The following SYT1 variants were observed in gnomAD, a reference collection of about 807,000 sequenced individuals.
SYT1 encodes the protein synaptotagmin 1.
A neutral mutation model predicts 44.8 loss-of-function variants in SYT1; 8 were observed. The ratio of observed to expected loss-of-function variants is 0.18; its 90% CI spans 0.10 to 0.32. The LOEUF (loss-of-function observed/expected upper bound fraction) is 0.32, where lower values mean the gene tolerates loss of function less well. Ranked by LOEUF, SYT1 falls within the 10% of genes least tolerant of loss-of-function variation. SYT1 has a pLI of 1.00. For missense variants in SYT1, 286 were observed against 509.3 expected, an observed-to-expected ratio of 0.56 and a Z score of 4.22; for synonymous variants, 154 against 188.8, an observed-to-expected ratio of 0.82 and a Z score of 1.51.
chr12:79,040,126 G>A (rs2137718429), intron 2 of SYT1, among the ~76,000 whole-genome samples: 1 of 152,140 alleles, frequency 6.6e-6, no homozygotes, highest in East Asian at 1.9e-4. Context: ...ATAGTCCTTT[G>A]GGTATATACC....
intron 4 of SYT1, among the ~76,000 whole-genome samples, chr12:79,224,390 A>G (rs1875361290): frequency 6.6e-6 from 1 of 152,192 alleles, no homozygotes; most frequent in South Asian, 2.1e-4. Context: ...GTAATAGGGA[A>G]GGGGAAAAGC....
chr12:78,932,114 T>C (rs1877791979), intron 1 of SYT1, among the ~76,000 whole-genome samples: 1 of 152,216 alleles, frequency 6.6e-6, no homozygotes, highest in South Asian at 2.1e-4. Flanking sequence ...AGTCTTCCCT[T>C]ATTGATGCAA....
At chr12:79,276,949 G>A (rs2138793681) in intron 4 of SYT1, among the ~76,000 whole-genome samples, 1 of 148,390 alleles carries the variant, frequency 6.7e-6, no homozygotes, top group Non-Finnish European at 1.5e-5. Flanking sequence ...GAAGAAGAAG[G>A]AAGAAGGAGG....
At chr12:79,005,657 C>T (rs150586230) in intron 2 of SYT1, among the ~76,000 whole-genome samples, 224 of 152,124 alleles carry the variant, frequency 1.5e-3, no homozygotes, top group African/African-American at 4.3e-3. Context: ...TAAATAGACA[C>T]GGCCCCTACA....
intron 9 of SYT1, among the ~76,000 whole-genome samples, chr12:79,434,925 A>AC (rs1870001044): frequency 6.6e-6 from 1 of 151,832 alleles, no homozygotes; most frequent in African/African-American, 2.4e-5. Context: ...AATTGAGCTT[A>AC]CCCCCAATTC....
At chr12:79,251,686 T>C (rs915219576) in intron 4 of SYT1, among the ~76,000 whole-genome samples, 12 of 152,192 alleles carry the variant, frequency 7.9e-5, no homozygotes, top group African/African-American at 2.4e-4. Context: ...CTTCCTTCCA[T>C]GGACAGTAAA....
At chr12:79,269,369 C>G (rs886894258) in intron 4 of SYT1, among the ~76,000 whole-genome samples, 1 of 152,046 alleles carries the variant, frequency 6.6e-6, no homozygotes, top group African/African-American at 2.4e-5. Flanking sequence ...TGCCTCCTAT[C>G]TCTAGTTTTA....
chr12:79,383,821 T>C (rs1169223111), intron 9 of SYT1, among the ~76,000 whole-genome samples: 2 of 152,204 alleles, frequency 1.3e-5, no homozygotes, highest in Non-Finnish European at 2.9e-5. Flanking sequence ...TTCTAAAAGA[T>C]GCAAATCACT....
chr12:78,894,711 A>G (rs548516202), intron 1 of SYT1, among the ~76,000 whole-genome samples: 4 of 151,754 alleles, frequency 2.6e-5, no homozygotes, highest in Admixed American at 2.0e-4. Flanking sequence ...TGTGGAATCT[A>G]AAAAAGTCAA....
intron 1 of SYT1, among the ~76,000 whole-genome samples, chr12:78,919,873 T>C (rs1301629181): frequency 6.6e-6 from 1 of 152,026 alleles, no homozygotes; most frequent in Non-Finnish European, 1.5e-5. Context: ...TTCCTAAGAC[T>C]CTAGAACATT....
chr12:79,124,722 T>C (rs773630526), intron 3 of SYT1, among the ~76,000 whole-genome samples: 23 of 152,172 alleles, frequency 1.5e-4, no homozygotes, highest in Non-Finnish European at 8.8e-5. Context: ...CTCTTCCATG[T>C]GGTAGTTGTG....
chr12:79,006,215 G>A (rs1214655165), intron 2 of SYT1, among the ~76,000 whole-genome samples: 1 of 152,112 alleles, frequency 6.6e-6, no homozygotes, highest in African/African-American at 2.4e-5. Context: ...TCTCTGGCAG[G>A]CCAACTTGTG....
intron 8 of SYT1, among the ~76,000 whole-genome samples, chr12:79,342,561 A>G (rs1333179746): frequency 6.6e-6 from 1 of 152,210 alleles, no homozygotes; most frequent in Non-Finnish European, 1.5e-5. Flanking sequence ...ATTGTATTCT[A>G]AGAGTAAATT....
intron 9 of SYT1, among the ~76,000 whole-genome samples, chr12:79,431,863 C>T (rs2136179979): frequency 6.6e-6 from 1 of 152,116 alleles, no homozygotes; most frequent in South Asian, 2.1e-4. Flanking sequence ...CATGCCTGGC[C>T]CCATAGTTTA....
At chr12:79,109,945 C>G (rs2138086345) in intron 3 of SYT1, among the ~76,000 whole-genome samples, 1 of 152,294 alleles carries the variant, frequency 6.6e-6, no homozygotes, top group South Asian at 2.1e-4. Flanking sequence ...GCCAAAGAAT[C>G]TCAGATGAGA....
intron 2 of SYT1, among the ~76,000 whole-genome samples, chr12:78,985,217 C>T (rs576913462): frequency 1.3e-5 from 2 of 151,684 alleles, no homozygotes; most frequent in South Asian, 2.1e-4. Context: ...AGAACTATTC[C>T]ACTGTATTAC....
At chr12:79,365,129 T>C (rs372282518) in intron 9 of SYT1, among the ~76,000 whole-genome samples, 5 of 152,130 alleles carry the variant, frequency 3.3e-5, no homozygotes, top group South Asian at 2.1e-4. Flanking sequence ...AGGAAATAAT[T>C]TGAAATTTCA....
chr12:79,017,106 G>C (rs1382453413), intron 2 of SYT1, among the ~76,000 whole-genome samples: 1 of 152,104 alleles, frequency 6.6e-6, no homozygotes, highest in African/African-American at 2.4e-5. Flanking sequence ...ATTTCCAAAG[G>C]TGGCTTTAAA....
intron 4 of SYT1, among the ~76,000 whole-genome samples, chr12:79,255,529 C>T (rs965251728): frequency 6.6e-6 from 1 of 152,096 alleles, no homozygotes; most frequent in Non-Finnish European, 1.5e-5. Context: ...TAAGTTATGC[C>T]TGTACAAAAC....
Sources: gnomAD v4.1 joint callset for allele counts (sites outside exome capture counted in the v4.1 genomes callset) on GRCh38, gnomAD v4.1.1 for gene constraint, MANE v1.5 for transcripts, NCBI Gene and HGNC (gene_info 2026-07-23, HGNC 2026-07-21) for gene names.